Variants in NRXN3 observed in about 807,000 individuals in gnomAD.
The protein encoded by NRXN3 is neurexin 3, also known as neurexin III.
Under a neutral mutation model 137.6 loss-of-function variants are expected in NRXN3, and 32 were observed. That is an observed-to-expected ratio of 0.23 (90% CI 0.18 to 0.31). The LOEUF is 0.31. Ranked by LOEUF, NRXN3 falls within the 10% of genes least tolerant of loss-of-function variation. The pLI, the probability that NRXN3 is intolerant of heterozygous loss-of-function variation, is 1.00. For synonymous variants in NRXN3, 798 were observed against 784.5 expected (o/e 1.02, Z -0.29); for missense variants, 1,574 against 2,062.5 (o/e 0.76, Z 4.59).
chr14:79,807,214 A>G (rs999269999), intron 20 of NRXN3, among the ~76,000 whole-genome samples: 3 of 151,538 alleles, frequency 2.0e-5, no homozygotes, highest in African/African-American at 7.3e-5. Context: ...GCCTCAAGAA[A>G]TCCTCTCGCT....
At chr14:79,353,794 C>A (rs1054605435) in intron 15 of NRXN3, among the ~76,000 whole-genome samples, 4 of 152,052 alleles carry the variant, frequency 2.6e-5, no homozygotes, top group African/African-American at 9.7e-5. Context: ...TATGGTCCGG[C>A]GTCTTTAGTC....
chr14:78,553,111 T>A (rs947775119), intron 4 of NRXN3, among the ~76,000 whole-genome samples: 1 of 152,228 alleles, frequency 6.6e-6, no homozygotes, highest in Non-Finnish European at 1.5e-5. Flanking sequence ...TTTAACCACA[T>A]TGACTTGGTA....
chr14:79,487,832 G>A (rs1439499018), intron 16 of NRXN3, among the ~76,000 whole-genome samples: 4 of 152,184 alleles, frequency 2.6e-5, no homozygotes, highest in African/African-American at 9.7e-5. Flanking sequence ...CTGGCTGGTT[G>A]TGTATTGTGA....
At chr14:78,432,510 G>A (rs951751289) in intron 4 of NRXN3, among the ~76,000 whole-genome samples, 2 of 152,148 alleles carry the variant, frequency 1.3e-5, no homozygotes, top group African/African-American at 4.8e-5. Context: ...GTAGGGAAGC[G>A]GAAGATGTTA....
chr14:78,906,925 T>C (rs2099219047), intron 10 of NRXN3, among the ~76,000 whole-genome samples: 1 of 151,992 alleles, frequency 6.6e-6, no homozygotes. Context: ...TGCTCATTTC[T>C]GGAGCAATAA....
intron 15 of NRXN3, among the ~76,000 whole-genome samples, chr14:79,359,288 G>A (rs1378512387): frequency 6.6e-6 from 1 of 152,156 alleles, no homozygotes; most frequent in Non-Finnish European, 1.5e-5. Flanking sequence ...GTAAGGGTGG[G>A]GGTGACTGTC....
chr14:79,318,217 A>C (rs990423239), intron 15 of NRXN3, among the ~76,000 whole-genome samples: 1 of 152,274 alleles, frequency 6.6e-6, no homozygotes, highest in Non-Finnish European at 1.5e-5. Flanking sequence ...GAACATGACA[A>C]AATAAAAACA....
At chr14:78,758,818 G>A (rs1402061090) in intron 8 of NRXN3, among the ~76,000 whole-genome samples, 1 of 152,182 alleles carries the variant, frequency 6.6e-6, no homozygotes, top group Non-Finnish European at 1.5e-5. Flanking sequence ...AGAGTGGTGG[G>A]ATGCAATATC....
chr14:79,036,215 C>G (rs576838051), intron 15 of NRXN3, among the ~76,000 whole-genome samples: 2 of 152,014 alleles, frequency 1.3e-5, no homozygotes, highest in African/African-American at 4.8e-5. Context: ...ACTTCCCCCC[C>G]ACCTCCAACT....
chr14:78,265,704 G>T (rs1364364579), intron 2 of NRXN3, among the ~76,000 whole-genome samples: 1 of 152,162 alleles, frequency 6.6e-6, no homozygotes, highest in South Asian at 2.1e-4. Context: ...GAAAAGCAAT[G>T]ACCTGGGATG....
intron 16 of NRXN3, among the ~76,000 whole-genome samples, chr14:79,635,660 TG>T (rs540864757): frequency 1.3e-3 from 192 of 152,340 alleles, no homozygotes; most frequent in African/African-American, 4.4e-3. Context: ...CTCTAATCTC[TG>T]CCTGTGTCAT....
At chr14:78,435,187 C>A (rs1364943507) in intron 4 of NRXN3, among the ~76,000 whole-genome samples, 1 of 152,136 alleles carries the variant, frequency 6.6e-6, no homozygotes, top group East Asian at 1.9e-4. Context: ...CACAGAAATG[C>A]ATTTCTATCT....
intron 15 of NRXN3, among the ~76,000 whole-genome samples, chr14:79,101,569 A>C (rs894734344): frequency 3.3e-5 from 5 of 152,108 alleles, no homozygotes; most frequent in Non-Finnish European, 5.9e-5. Context: ...AGGTGTGTTC[A>C]GTGATGTGTG....
At chr14:79,512,109 G>T (rs190336469) in intron 16 of NRXN3, among the ~76,000 whole-genome samples, 1 of 152,154 alleles carries the variant, frequency 6.6e-6, no homozygotes, top group African/African-American at 2.4e-5. Flanking sequence ...ATGTTGGTCA[G>T]GCTGATCTTG....
intron 19 of NRXN3, among the ~76,000 whole-genome samples, chr14:79,765,510 T>C (rs534037782): frequency 6.6e-6 from 1 of 152,332 alleles, no homozygotes; most frequent in South Asian, 2.1e-4. Flanking sequence ...AATATCTCAT[T>C]TGTGGGAACT....
At chr14:79,577,662 C>T (rs923653679) in intron 16 of NRXN3, among the ~76,000 whole-genome samples, 1 of 152,284 alleles carries the variant, frequency 6.6e-6, no homozygotes, top group Middle Eastern at 3.4e-3. Flanking sequence ...ATAAACTCCT[C>T]AAGTGCAGAG....
intron 14 of NRXN3, among the ~76,000 whole-genome samples, chr14:78,977,744 T>C (rs2099473094): frequency 6.6e-6 from 1 of 152,172 alleles, no homozygotes; most frequent in Non-Finnish European, 1.5e-5. Context: ...TTTTAGATCA[T>C]TGACCATCAA....
Position 78,286,326 on chromosome 14 carries a change from C to G in NRXN3, c.727+7664C>G, listed in dbSNP as rs529488663. 3.0e-4 allele frequency among the ~76,000 whole-genome samples: 45 copies of G among 152,268 alleles called. No individual in the cohort carries two copies. The South Asian group carries it at 9.1e-3, about 31-fold the overall frequency. On this transcript the variant is annotated intron_variant, in intron 3 of 20. Transcript: ENST00000335750. ...GCCTCATTCAAAGTTTTGTGCTGCT[C>G]AAAATGTCATTGATGAGACCATTGC...
At chr14:78,633,951 C>T (rs949272534) in intron 4 of NRXN3, among the ~76,000 whole-genome samples, 2 of 152,212 alleles carry the variant, frequency 1.3e-5, no homozygotes, top group African/African-American at 4.8e-5. Flanking sequence ...AGCTGGGCTG[C>T]CCTCCCTCCC....
Sources: gnomAD v4.1 joint callset for allele counts (sites outside exome capture counted in the v4.1 genomes callset) on GRCh38, gnomAD v4.1.1 for gene constraint, MANE v1.5 for transcripts, NCBI Gene and HGNC (gene_info 2026-07-23, HGNC 2026-07-21) for gene names.